ZBTB20: variants seen among roughly 807,000 people sequenced by gnomAD.
ZBTB20 encodes the protein zinc finger and BTB domain containing 20.
Under a neutral mutation model 56.9 loss-of-function variants are expected in ZBTB20, and 9 were observed. The observed-to-expected ratio is 0.16, with a 90% CI of 0.10 to 0.28. The LOEUF (loss-of-function observed/expected upper bound fraction) is 0.28. ZBTB20 is among the 10% of genes least tolerant of loss of function. The pLI, the probability that ZBTB20 is intolerant of heterozygous loss-of-function variation, is 1.00. For synonymous variants in ZBTB20, 417 were observed against 420.7 expected, an observed-to-expected ratio of 0.99 and a Z score of 0.11; for missense variants, 655 against 1,003.0, an observed-to-expected ratio of 0.65 and a Z score of 4.69.
chr3:114,590,330 C>T, intron 6 of ZBTB20, among the ~76,000 whole-genome samples: 1 of 151,900 alleles, frequency 6.6e-6, no homozygotes, highest in Non-Finnish European at 1.5e-5. Context: ...ATGGTGGGCA[C>T]CTGTTATCCC....
chr3:114,508,340 A>G (rs765006612), intron 6 of ZBTB20, among the ~76,000 whole-genome samples: 1 of 152,150 alleles, frequency 6.6e-6, no homozygotes, highest in African/African-American at 2.4e-5. Flanking sequence ...TGTCCATTAC[A>G]TACAGCACAG....
At chr3:114,385,128 C>T (rs2084936939) in intron 8 of ZBTB20, among the ~76,000 whole-genome samples, 1 of 152,056 alleles carries the variant, frequency 6.6e-6, no homozygotes, top group Non-Finnish European at 1.5e-5. Context: ...AAGTAATGTG[C>T]CTGTTACTTA....
chr3:114,448,392 C>T (rs892298396), intron 7 of ZBTB20, among the ~76,000 whole-genome samples: 3 of 151,892 alleles, frequency 2.0e-5, no homozygotes, highest in Non-Finnish European at 4.4e-5. Context: ...GAAAAATTAT[C>T]GTATCATATT....
At chr3:115,081,060 T>C (rs556775122) in intron 1 of ZBTB20, among the ~76,000 whole-genome samples, 8 of 152,242 alleles carry the variant, frequency 5.3e-5, no homozygotes, top group Admixed American at 2.0e-4. Context: ...CATTGATGAA[T>C]TCCCTTACAA....
chr3:114,566,780 A>G (rs1039980317), intron 6 of ZBTB20, among the ~76,000 whole-genome samples: 1 of 152,236 alleles, frequency 6.6e-6, no homozygotes, highest in Non-Finnish European at 1.5e-5. Flanking sequence ...TGCAAAATGT[A>G]TCACTTTAAT....
At chr3:114,513,206 T>C (rs1040841039) in intron 6 of ZBTB20, among the ~76,000 whole-genome samples, 4 of 152,210 alleles carry the variant, frequency 2.6e-5, no homozygotes, top group Non-Finnish European at 5.9e-5. Context: ...TTTTATCTTA[T>C]ATAAACAGTG....
At chr3:114,775,473 A>ATT (rs543999824) in intron 5 of ZBTB20, among the ~76,000 whole-genome samples, 47 of 146,464 alleles carry the variant, frequency 3.2e-4, no homozygotes, top group South Asian at 1.5e-3. Context: ...GCCTTATTTA[A>ATT]TTTTTTTTTT....
intron 7 of ZBTB20, among the ~76,000 whole-genome samples, chr3:114,484,798 A>AGTGTGT (rs146057079): frequency 0.52 from 78,216 of 150,400 alleles, 21,765 homozygotes; most frequent in East Asian, 0.7. Context: ...ATATCAATAG[A>AGTGTGT]GTGTGTGTGT....
Position 114,941,831 on chromosome 3 carries a change from C to G in ZBTB20, c.-456+32535G>C, listed in dbSNP as rs559547740. On this transcript the variant is annotated intron_variant, in intron 3 of 11. Transcript: ENST00000675478. Reference sequence around the variant, plus strand: ...ATCCAGGTTTCCAGTATTGCATCTCCTAAGACAAACACTGATATTTATCTG... The same window carrying G: ...ATCCAGGTTTCCAGTATTGCATCTCGTAAGACAAACACTGATATTTATCTG... Among the ~76,000 whole-genome samples, 13 of 146,100 alleles carry G rather than the reference C, an allele frequency of 8.9e-5. No homozygotes were observed. In the East Asian group the frequency reaches 2.3e-3, roughly 26 times the overall value.
chr3:114,676,946 T>C (rs1381398694), intron 6 of ZBTB20, among the ~76,000 whole-genome samples: 3 of 152,038 alleles, frequency 2.0e-5, no homozygotes, highest in Non-Finnish European at 2.9e-5. Context: ...AGCTAATTTT[T>C]GTATCTTTAG....
intron 1 of ZBTB20, among the ~76,000 whole-genome samples, chr3:115,136,682 G>A (rs1312092772): frequency 6.6e-6 from 1 of 151,930 alleles, no homozygotes; most frequent in African/African-American, 2.4e-5. Flanking sequence ...ATTTATTTTT[G>A]GCTCTTATAC....
intron 6 of ZBTB20, among the ~76,000 whole-genome samples, chr3:114,623,236 G>A (rs138162999): frequency 6.6e-6 from 1 of 152,278 alleles, no homozygotes; most frequent in African/African-American, 2.4e-5. Flanking sequence ...AGAAGGATGT[G>A]GAAGGCACAT....
rs574445298 is a variant in ZBTB20, at chr3:114,770,182, T to A, written c.-343+30919A>T. Among the ~76,000 whole-genome samples the A allele has an allele frequency of 4.6e-5, 7 of 151,650 alleles. No homozygotes were observed. The South Asian group carries it at 1.2e-3, about 27-fold the overall frequency. On this transcript the variant is annotated intron_variant, in intron 5 of 11. Coordinates refer to ENST00000675478, the MANE Select transcript of ZBTB20 (RefSeq NM_001348800.3). ...GCTTGGGTGATGGGTACACCAAAAC[T>A]CACAAATCGCCACTAAAGAACTTAC...
chr3:114,695,376 C>A (rs2062943554), intron 5 of ZBTB20, among the ~76,000 whole-genome samples: 1 of 151,578 alleles, frequency 6.6e-6, no homozygotes, highest in South Asian at 2.1e-4. Context: ...GCCTTGGTTA[C>A]AACAGAAAAT....
chr3:114,898,915 AAATT>A (rs1359202236), intron 4 of ZBTB20, among the ~76,000 whole-genome samples: 2 of 152,158 alleles, frequency 1.3e-5, no homozygotes, highest in Non-Finnish European at 2.9e-5. Flanking sequence ...CCTACTGAAT[AAATT>A]AATTAAATAT....
chr3:114,362,452 C>T (rs1170598291), intron 10 of ZBTB20, among the ~76,000 whole-genome samples: 1 of 152,182 alleles, frequency 6.6e-6, no homozygotes, highest in East Asian at 1.9e-4. Flanking sequence ...GTGGGAACCT[C>T]AGGGCGCACA....
intron 6 of ZBTB20, among the ~76,000 whole-genome samples, chr3:114,545,254 A>G (rs2049735474): frequency 6.6e-6 from 1 of 152,206 alleles, no homozygotes; most frequent in Non-Finnish European, 1.5e-5. Flanking sequence ...AGCTGCTAGT[A>G]CTTTTAGAGT....
chr3:114,762,138 CAAAAT>C (rs973966708), intron 5 of ZBTB20, among the ~76,000 whole-genome samples: 1 of 152,024 alleles, frequency 6.6e-6, no homozygotes, highest in Non-Finnish European at 1.5e-5. Context: ...AGCTGACAGA[CAAAAT>C]AGAGATAGAT....
intron 5 of ZBTB20, among the ~76,000 whole-genome samples, chr3:114,747,932 A>AAAC: frequency 6.7e-6 from 1 of 149,596 alleles, no homozygotes; most frequent in African/African-American, 2.5e-5. Flanking sequence ...AAAAAAAAAA[A>AAAC]AAAAAAAAAA....
Sources: gnomAD v4.1 joint callset for allele counts (sites outside exome capture counted in the v4.1 genomes callset) on GRCh38, gnomAD v4.1.1 for gene constraint, MANE v1.5 for transcripts, NCBI Gene and HGNC (gene_info 2026-07-23, HGNC 2026-07-21) for gene names.